Variants in MACROD2 observed in about 807,000 individuals in gnomAD.
MACROD2 encodes the protein ADP-ribose glycohydrolase MACROD2.
Under a neutral mutation model 70.4 loss-of-function variants are expected in MACROD2, and 36 were observed. That is an observed-to-expected ratio of 0.51 (90% CI 0.39 to 0.68). The LOEUF is 0.68. MACROD2 is among the 30% of genes least tolerant of loss of function. The pLI is 0.00. For synonymous variants in MACROD2, 172 were observed against 178.8 expected (o/e 0.96, Z 0.30); for missense variants, 496 against 538.4 (o/e 0.92, Z 0.78).
chr20:14,739,446 G>A (rs1321283319), intron 5 of MACROD2, among the ~76,000 whole-genome samples: 1 of 151,872 alleles, frequency 6.6e-6, no homozygotes, highest in Non-Finnish European at 1.5e-5. Flanking sequence ...TGTTACCTGT[G>A]GGGTAGATGA....
intron 3 of MACROD2, among the ~76,000 whole-genome samples, chr20:14,273,641 A>G (rs1384492853): frequency 4.0e-5 from 6 of 149,790 alleles, no homozygotes; most frequent in South Asian, 2.1e-4. Context: ...AAATAACTAA[A>G]ATCAGAGCAG....
At chr20:15,235,808 C>T (rs1338617449) in intron 6 of MACROD2, among the ~76,000 whole-genome samples, 1 of 152,184 alleles carries the variant, frequency 6.6e-6, no homozygotes, top group African/African-American at 2.4e-5. Flanking sequence ...GGTACCTCTG[C>T]TCCTCTGCCT....
rs2074635585 is a variant in MACROD2, at chr20:14,966,270, G to A, written c.419-263670G>A. Among the ~76,000 whole-genome samples the A allele has an allele frequency of 1.3e-5, 2 of 152,084 alleles. 1 individual carries two copies. Among genetic ancestry groups the A allele is most frequent in the South Asian group, 4.1e-4 (2 of 4,820 alleles). The stretch of plus-strand genomic sequence containing the variant: ...ATATAGTAAAGCATGCTAATCTTAA[G>A]CATATGTACTTGTGTAACCACCTCC... On this transcript the variant is annotated intron_variant, in intron 5 of 17. Coordinates refer to ENST00000684519, the MANE Select transcript of MACROD2 (RefSeq NM_001351661.2).
At chr20:15,245,728 C>T (rs909087806) in intron 6 of MACROD2, among the ~76,000 whole-genome samples, 2 of 152,054 alleles carry the variant, frequency 1.3e-5, no homozygotes, top group South Asian at 2.1e-4. Context: ...TGATTTTGCT[C>T]GACGGTTGTC....
intron 5 of MACROD2, among the ~76,000 whole-genome samples, chr20:15,178,635 A>G (rs1190667758): frequency 6.6e-6 from 1 of 152,236 alleles, no homozygotes; most frequent in Admixed American, 6.5e-5. Flanking sequence ...GTCCTTGCTC[A>G]ACCTGCACCA....
Position 15,337,507 on chromosome 20 carries a change from C to T in MACROD2, c.541-93898C>T, listed in dbSNP as rs1214670284. Reference sequence around the variant, plus strand: ...TGTTTTAATTGACTAATAAAAATTACATATATTTGTTGTTTACAATATGAT... The same window carrying T: ...TGTTTTAATTGACTAATAAAAATTATATATATTTGTTGTTTACAATATGAT... On this transcript the variant is annotated intron_variant, in intron 6 of 17. Transcript: ENST00000684519. Among the ~76,000 whole-genome samples the T allele has an allele frequency of 2.6e-5, 4 of 151,694 alleles. 1 individual carries two copies. The highest frequency in any genetic ancestry group is 4.9e-5 in the African/African-American group (2 of 41,014).
At chr20:15,158,139 A>G (rs2076322218) in intron 5 of MACROD2, among the ~76,000 whole-genome samples, 1 of 152,174 alleles carries the variant, frequency 6.6e-6, no homozygotes, top group African/African-American at 2.4e-5. Context: ...GCAGTGACAC[A>G]TAATAGGGGA....
chr20:14,207,209 T>C (rs2081531268), intron 3 of MACROD2, among the ~76,000 whole-genome samples: 1 of 152,118 alleles, frequency 6.6e-6, no homozygotes, highest in South Asian at 2.1e-4. Flanking sequence ...GCGATTCTCC[T>C]GCCTTAGCCT....
At chr20:14,132,572 C>T (rs1312376874) in intron 3 of MACROD2, among the ~76,000 whole-genome samples, 1 of 152,144 alleles carries the variant, frequency 6.6e-6, no homozygotes, top group Non-Finnish European at 1.5e-5. Flanking sequence ...CAGAGAATGA[C>T]AAAATACATA....
chr20:14,848,684 T>A (rs539152027), intron 5 of MACROD2, among the ~76,000 whole-genome samples: 1 of 152,304 alleles, frequency 6.6e-6, no homozygotes, highest in Non-Finnish European at 1.5e-5. Flanking sequence ...ATAATTTCGA[T>A]ATATTCATGC....
chr20:15,543,997 G>A (rs1173935062), intron 8 of MACROD2, among the ~76,000 whole-genome samples: 2 of 152,194 alleles, frequency 1.3e-5, no homozygotes, highest in Non-Finnish European at 2.9e-5. Flanking sequence ...TCACATGGCT[G>A]AGCACAGCAT....
intron 7 of MACROD2, among the ~76,000 whole-genome samples, chr20:15,437,028 G>C (rs1202105661): frequency 1.3e-5 from 2 of 152,118 alleles, no homozygotes; most frequent in Non-Finnish European, 2.9e-5. Context: ...TGAACAATGG[G>C]CACTTTCTAT....
intron 5 of MACROD2, among the ~76,000 whole-genome samples, chr20:15,101,284 A>G (rs1435729951): frequency 6.6e-6 from 1 of 152,058 alleles, no homozygotes. Context: ...TTTTCTTGGA[A>G]ATAAGGCATT....
At chr20:15,076,927 T>G (rs1161265079) in intron 5 of MACROD2, among the ~76,000 whole-genome samples, 8 of 152,144 alleles carry the variant, frequency 5.3e-5, no homozygotes, top group Non-Finnish European at 1.5e-5. Context: ...AGAATGAAAT[T>G]TTCCTTATCA....
chr20:15,651,964 G>C (rs778731653), intron 8 of MACROD2, among the ~76,000 whole-genome samples: 12 of 152,152 alleles, frequency 7.9e-5, no homozygotes, highest in Non-Finnish European at 1.5e-4. Context: ...TGTAATGGTG[G>C]AGATGGCAGC....
At chr20:14,051,636 A>C (rs114552665) in intron 2 of MACROD2, among the ~76,000 whole-genome samples, 9 of 152,218 alleles carry the variant, frequency 5.9e-5, no homozygotes, top group Non-Finnish European at 1.0e-4. Context: ...GTATCAACCC[A>C]TCATCTTTTT....
chr20:14,096,676 G>A (rs2054231319), intron 3 of MACROD2, among the ~76,000 whole-genome samples: 1 of 152,132 alleles, frequency 6.6e-6, no homozygotes, highest in Admixed American at 6.6e-5. Context: ...TTTAAAAACA[G>A]TCTTTGCATA....
At chr20:15,808,558 A>G (rs111804607) in intron 8 of MACROD2, among the ~76,000 whole-genome samples, 3,770 of 152,282 alleles carry the variant, frequency 0.025, 173 homozygotes, top group African/African-American at 0.085. Flanking sequence ...TTTTACTTAT[A>G]AAAGTATGTT....
chr20:14,404,528 C>T (rs1023598268), intron 3 of MACROD2, among the ~76,000 whole-genome samples: 49 of 151,614 alleles, frequency 3.2e-4, no homozygotes, highest in African/African-American at 1.1e-3. Context: ...ACCCAGGAGG[C>T]GGAGGTTGCA....
Sources: allele counts gnomAD v4.1 joint callset (sites outside exome capture counted in the v4.1 genomes callset), GRCh38; gene constraint gnomAD v4.1.1; transcripts MANE v1.5; gene names NCBI Gene and HGNC (gene_info 2026-07-23, HGNC 2026-07-21).